Variants in MMP25 observed in about 807,000 individuals in gnomAD.
MMP25 encodes the protein matrix metallopeptidase 25, also known as matrix metalloproteinase-25.
MMP25 carries 68 observed loss-of-function variants against 62.1 expected under a neutral mutation model. The ratio of observed to expected loss-of-function variants is 1.10; its 90% confidence interval spans 0.90 to 1.34. The LOEUF (loss-of-function observed/expected upper bound fraction) is 1.34. MMP25 is among the 40% of genes most tolerant of loss of function. The pLI is 0.00. For synonymous variants in MMP25, 407 were observed against 345.6 expected (o/e 1.18, Z -1.97); for missense variants, 942 against 792.5 (o/e 1.19, Z -2.26).
intron 2 of MMP25, among the ~76,000 whole-genome samples, chr16:3,047,880 C>G (rs1237010807): frequency 6.7e-6 from 1 of 149,750 alleles, no homozygotes; most frequent in Non-Finnish European, 1.5e-5. Context: ...CCTCTTTTTG[C>G]CCAGGCTGGA....
chr16:3,049,965 C>G (rs779612357), intron 2 of MMP25, 44 bp from the exon 3 acceptor site: 13 of 1,602,448 alleles, frequency 8.1e-6, no homozygotes, highest in Middle Eastern at 1.9e-4. Context: ...AAGGCAGGCT[C>G]TCCTATTGTG....
rs1361599463 is a variant in MMP25 at position 3,058,244 on chromosome 16, A to C, written c.1070A>C (p.His357Pro). ...GTGTCCCCGCGACCCGCACGGCTGC[A>C]CCGCTTCTGGGAGGGGCTGCCCGCC... Reference protein sequence around the residue: ...QLVSPRPARLHRFWEGLPAQV... With the variant: ...QLVSPRPARLPRFWEGLPAQV... Residue 357 changes from histidine to proline, a missense_variant, in exon 8 of 10, where the codon CAC (histidine) becomes CCC (proline). Coordinates refer to ENST00000336577, the MANE Select transcript of MMP25 (RefSeq NM_022468.5). The C allele has an allele frequency of 6.2e-7, 1 of 1,612,130 alleles. No individual in the cohort carries two copies. The highest frequency in any genetic ancestry group is 1.3e-5 in the African/African-American group (1 of 74,634).
At chr16:3,047,253 G>A (rs1955833939) in intron 1 of MMP25, among the ~76,000 whole-genome samples, 162 bp from the exon 2 acceptor site, 1 of 152,206 alleles carries the variant, frequency 6.6e-6, no homozygotes, top group African/African-American at 2.4e-5. Flanking sequence ...TGGCAAACCC[G>A]GGACTGAAGC....
chr16:3,049,523 C>A (rs376364117), intron 2 of MMP25, among the ~76,000 whole-genome samples: 1 of 152,212 alleles, frequency 6.6e-6, no homozygotes, highest in South Asian at 2.1e-4. Context: ...CCCAGAGAGA[C>A]CTAACCCAGG....
At position 3,046,862 on chromosome 16, in the gene MMP25, G is replaced by A; in HGVS notation, c.-56G>A. 1.0e-6 allele frequency: 1 copy of A among 1,002,924 alleles called. No individual in the cohort carries two copies. Among genetic ancestry groups the A allele is most frequent in the Non-Finnish European group, 1.3e-6 (1 of 744,126 alleles). 62.1% of individuals were successfully genotyped at this position (1,002,924 alleles called of 1,614,324 possible). ...GGATCTCCTCCCCCAGGTCCCCGGG[G>A]CGGCCCCAGCCAGGCCCCCTTCGAA... On this transcript the variant is annotated 5_prime_UTR_variant, in exon 1 of 10. Transcript: ENST00000336577.
intron 1 of MMP25, 103 bp from the exon 2 acceptor site, chr16:3,047,312 G>C: frequency 1.3e-6 from 2 of 1,497,574 alleles, no homozygotes; most frequent in South Asian, 2.6e-5. Flanking sequence ...GGGGCCCTGG[G>C]CTCTGGGTGC....
intron 6 of MMP25, 26 bp from the exon 7 acceptor site, chr16:3,057,505 C>G (rs1216164610): frequency 6.2e-7 from 1 of 1,609,252 alleles, no homozygotes; most frequent in Admixed American, 1.7e-5. Context: ...ACCCCCCTCT[C>G]TACTCACCTC....
intron 4 of MMP25, among the ~76,000 whole-genome samples, chr16:3,050,777 T>G (rs141900266): frequency 3.3e-5 from 5 of 152,256 alleles, no homozygotes; most frequent in Non-Finnish European, 7.4e-5. Context: ...CATACCTGGC[T>G]ATTTTTTTTG....
At position 3,057,088 on chromosome 16, in the gene MMP25, G is replaced by T. The variant is rs748540592; in HGVS notation, c.717G>T (p.Leu239=). Residue 239 remains leucine, a synonymous_variant, in exon 5 of 10, where the codon CTG becomes CTT. Transcript: ENST00000336577. ...AVAVHEFGHA[L]GLGHSSAPNS... ...CTGTCCATGAGTTTGGCCACGCCCT[G>T]GGCCTGGGCCACTCCTCAGCCCCCA... 1 of 1,611,400 alleles carries T rather than the reference G, an allele frequency of 6.2e-7. No individual in the cohort carries two copies.
rs535160595 is a variant in MMP25, at chr16:3,047,618, C to A, written c.232+71C>A. The A allele has an allele frequency of 1.1e-4, 172 of 1,520,712 alleles. 2 individuals carry two copies. In the South Asian group the frequency reaches 1.9e-3, roughly 17 times the overall value. The allele number at this position is 1,520,712 out of a possible 1,614,324, so 94.2% of individuals were successfully genotyped here. A position where few individuals can be genotyped will look rare whatever the true frequency, so the allele number is the denominator to read the frequency against. On this transcript the variant is annotated intron_variant, in intron 2 of 9. Coordinates refer to ENST00000336577, the MANE Select transcript of MMP25 (RefSeq NM_022468.5). The stretch of plus-strand genomic sequence containing the variant: ...TGTCCACCGCCCAACAGCCTTTAGA[C>A]CTCAGTGTGCTCCTGGAACACGGAG...
rs1956037435 is a variant in MMP25 at position 3,057,669 on chromosome 16, C to G, written c.1006+56C>G. 4 of 1,479,686 alleles carry G rather than the reference C, an allele frequency of 2.7e-6. No individual in the cohort carries two copies. The African/African-American group carries it at 4.2e-5, about 15-fold the overall frequency. 91.7% of individuals were successfully genotyped at this position (1,479,686 alleles called of 1,614,324 possible). On this transcript the variant is annotated intron_variant, in intron 7 of 9. Coordinates refer to ENST00000336577, the MANE Select transcript of MMP25 (RefSeq NM_022468.5). ...TGGTTTCCTGCCCACTTCCAGTGACCCACTGGGGCTGTGGGCTTACCCTGG... is the reference window on the plus strand; with the variant it reads ...TGGTTTCCTGCCCACTTCCAGTGACGCACTGGGGCTGTGGGCTTACCCTGG...
At position 3,050,419 on chromosome 16, in the gene MMP25, C is replaced by G; in HGVS notation, c.534C>G (p.Phe178Leu). The G allele has an allele frequency of 6.2e-7, 1 of 1,614,040 alleles. No individual in the cohort carries two copies. Among genetic ancestry groups the G allele is most frequent in the South Asian group, 1.1e-5 (1 of 91,070 alleles). ...TCCTCATCGACTTTGCCCGCGCCTT[C>G]CACCAGGACAGCTACCCCTTCGACG... ...PDILIDFARA[F>L]HQDSYPFDGL... Residue 178 changes from phenylalanine to leucine, a missense_variant, in exon 4 of 10, where the codon TTC becomes TTG. By Grantham distance (22) the Phe-to-Leu change is conservative. Transcript: ENST00000336577.
In MMP25 at chr16:3,060,441, C is replaced by T. The variant is rs1956093264; in HGVS notation, c.*1343C>T. 1 of 152,140 alleles carries T rather than the reference C, an allele frequency of 6.6e-6. No homozygotes were observed. Among genetic ancestry groups the T allele is most frequent in the African/African-American group, 2.4e-5 (1 of 41,420 alleles). 9.4% of individuals were successfully genotyped at this position (152,140 alleles called of 1,614,324 possible). A position where few individuals can be genotyped will look rare whatever the true frequency, so the allele number is the denominator to read the frequency against. On this transcript the variant is annotated 3_prime_UTR_variant, in exon 10 of 10. Transcript: ENST00000336577. ...CATGGGTAGAGTCACTTAGGGGCCACTTCCTAAGTTGCTGTCCAGCCTCAG... is the reference window on the plus strand; with the variant it reads ...CATGGGTAGAGTCACTTAGGGGCCATTTCCTAAGTTGCTGTCCAGCCTCAG...
At chr16:3,055,671 C>T (rs912851149) in intron 4 of MMP25, 7 of 351,398 alleles carry the variant, frequency 2.0e-5, no homozygotes, top group Middle Eastern at 2.0e-3. Context: ...CTTTAGGGAC[C>T]GAGAGAAATT....
rs758411367 is a variant in MMP25 at position 3,058,312 on chromosome 16, G to A, written c.1138G>A (p.Gly380Ser). 5.0e-6 allele frequency: 8 copies of A among 1,598,842 alleles called. No homozygotes were observed. Among genetic ancestry groups the A allele is most frequent in the South Asian group, 4.5e-5 (4 of 89,882 alleles). ...GGCCGCCTATGCTCGGCACCGAGAC[G>A]GCCGAATCCTCCTCTTTAGCGGTGA... ...VQAAYARHRD[G>S]RILLFSGPQF... Residue 380 changes from glycine (G) to serine (S), a missense_variant, in exon 8 of 10, where the codon GGC (glycine) becomes AGC (serine). By Grantham distance (56) the Gly-to-Ser change is moderately conservative. Coordinates refer to ENST00000336577, the MANE Select transcript of MMP25 (RefSeq NM_022468.5).
chr16:3,048,259 G>C (rs1195814832), intron 2 of MMP25, among the ~76,000 whole-genome samples: 1 of 152,240 alleles, frequency 6.6e-6, no homozygotes. Context: ...AGTGAGCTAT[G>C]ATTGCACCGT....
intron 4 of MMP25, chr16:3,054,633 GATGC>G (rs1440409066): frequency 5.3e-5 from 8 of 149,972 alleles, no homozygotes; most frequent in African/African-American, 1.8e-4. Context: ...TGAATGGACA[GATGC>G]ATGCACAGAG....
rs1567131276 is a variant in MMP25 at position 3,060,444 on chromosome 16, C to A, written c.*1346C>A. ...GGGTAGAGTCACTTAGGGGCCACTT[C>A]CTAAGTTGCTGTCCAGCCTCAGTGA... is the stretch of plus-strand genomic sequence containing the variant. On this transcript the variant is annotated 3_prime_UTR_variant, in exon 10 of 10. Transcript: ENST00000336577. 1 of 152,124 alleles carries A rather than the reference C, an allele frequency of 6.6e-6. No individual in the cohort carries two copies. Among genetic ancestry groups the A allele is most frequent in the African/African-American group, 2.4e-5 (1 of 41,412 alleles). The allele number at this position is 152,124 out of a possible 1,614,324, so 9.4% of individuals were successfully genotyped here.
In MMP25 at chr16:3,059,438, C is replaced by A; in HGVS notation, c.*340C>A. 1 of 215,330 alleles carries A rather than the reference C, an allele frequency of 4.6e-6. No homozygotes were observed. Among genetic ancestry groups the A allele is most frequent in the South Asian group, 1.7e-4 (1 of 5,816 alleles). The allele number at this position is 215,330 out of a possible 1,614,324, so 13.3% of individuals were successfully genotyped here. On this transcript the variant is annotated 3_prime_UTR_variant, in exon 10 of 10. Coordinates refer to ENST00000336577, the MANE Select transcript of MMP25 (RefSeq NM_022468.5). The stretch of plus-strand genomic sequence containing the variant: ...GCGGTCGGACCCCGCCTCCCGAGCC[C>A]GGGGAGGGGCGGGGAGGACAAGGGG...
Sources: allele counts gnomAD v4.1 joint callset (sites outside exome capture counted in the v4.1 genomes callset), GRCh38; gene constraint gnomAD v4.1.1; transcripts MANE v1.5; gene names NCBI Gene and HGNC (gene_info 2026-07-23, HGNC 2026-07-21).